The following KHDRBS3 variants were observed in gnomAD, a reference collection of about 807,000 sequenced individuals.
KHDRBS3 encodes KH RNA binding domain containing, signal transduction associated 3.
KHDRBS3 carries 23 observed loss-of-function variants against 45.6 expected under a neutral mutation model. The observed-to-expected ratio is 0.50, with a 90% CI of 0.36 to 0.72. The LOEUF is 0.72. Among genes scored for constraint, KHDRBS3 ranks in the 30% least tolerant of loss-of-function variants. The pLI is 0.00. For synonymous variants in KHDRBS3, 162 were observed against 156.5 expected (o/e 1.04, Z -0.26); for missense variants, 352 against 424.8 (o/e 0.83, Z 1.51).
exon 5 of KHDRBS3, chr8:135,656,312 A>C (rs2131227178): frequency 6.6e-6 from 1 of 152,336 alleles, no homozygotes; most frequent in South Asian, 2.1e-4. Flanking sequence ...GGGAACTTGA[A>C]AAACATCTTA....
intron 4 of KHDRBS3, among the ~76,000 whole-genome samples, chr8:135,554,947 A>C (rs1454456171): frequency 6.6e-6 from 1 of 152,204 alleles, no homozygotes; most frequent in East Asian, 1.9e-4. Flanking sequence ...TCCTCCCTGC[A>C]AACTATGATC....
intron 6 of KHDRBS3, among the ~76,000 whole-genome samples, chr8:135,603,663 AT>A (rs1586789526): frequency 6.6e-6 from 1 of 152,146 alleles, no homozygotes; most frequent in Admixed American, 6.5e-5. Flanking sequence ...TTCTAAAAAA[AT>A]TTTTTTAAAT....
intron 4 of KHDRBS3, among the ~76,000 whole-genome samples, chr8:135,550,725 T>C (rs371510713): frequency 2.0e-5 from 3 of 152,112 alleles, no homozygotes; most frequent in African/African-American, 7.2e-5. Context: ...TTTTCATATG[T>C]GTTTTAGGAT....
At chr8:135,572,089 G>A (rs1458912781) in intron 5 of KHDRBS3, among the ~76,000 whole-genome samples, 1 of 152,170 alleles carries the variant, frequency 6.6e-6, no homozygotes, top group Non-Finnish European at 1.5e-5. Context: ...ATGGATCATT[G>A]TTTCCAGAGA....
intron 1 of KHDRBS3, among the ~76,000 whole-genome samples, chr8:135,500,154 A>G (rs1204781134): frequency 3.3e-5 from 5 of 152,294 alleles, no homozygotes; most frequent in East Asian, 3.9e-4. Context: ...CCCCCAAAAC[A>G]TGGATTTCAA....
At chr8:135,458,231 A>T (rs1419139670) in intron 1 of KHDRBS3, 1 of 1,199,132 alleles carries the variant, frequency 8.3e-7, no homozygotes, top group African/African-American at 1.6e-5. Context: ...CCCAGGGGAA[A>T]CTTCTGGGTG....
chr8:135,615,883 T>C (rs1346435141), intron 7 of KHDRBS3, among the ~76,000 whole-genome samples: 1 of 152,202 alleles, frequency 6.6e-6, no homozygotes, highest in Non-Finnish European at 1.5e-5. Context: ...CTGCTCATAC[T>C]GAAAGTTTGA....
intron 5 of KHDRBS3, among the ~76,000 whole-genome samples, chr8:135,571,457 G>A (rs1233898472): frequency 6.6e-6 from 1 of 152,140 alleles, no homozygotes; most frequent in African/African-American, 2.4e-5. Context: ...TTGAAGTTCA[G>A]CAATGAGGAA....
chr8:135,630,515 G>A (rs1370078498), intron 7 of KHDRBS3, among the ~76,000 whole-genome samples: 1 of 34,462 alleles, frequency 2.9e-5, no homozygotes, highest in East Asian at 6.3e-3. Context: ...ATACAGATGT[G>A]TTGCTTAACA....
chr8:135,620,802 C>T (rs1277886138), intron 7 of KHDRBS3, among the ~76,000 whole-genome samples: 1 of 152,132 alleles, frequency 6.6e-6, no homozygotes, highest in Admixed American at 6.6e-5. Flanking sequence ...AGTACTAAGG[C>T]TTCTGTGTTT....
intron 7 of KHDRBS3, among the ~76,000 whole-genome samples, chr8:135,609,647 C>G (rs2131039211): frequency 1.3e-5 from 2 of 149,782 alleles, no homozygotes; most frequent in East Asian, 3.9e-4. Flanking sequence ...TTGCATAGAC[C>G]TACACAGGCT....
intron 1 of KHDRBS3, among the ~76,000 whole-genome samples, chr8:135,497,913 A>C (rs1163747998): frequency 6.6e-6 from 1 of 152,168 alleles, no homozygotes; most frequent in Non-Finnish European, 1.5e-5. Flanking sequence ...TATTCTGTTA[A>C]TAATTGGGCC....
intron 1 of KHDRBS3, among the ~76,000 whole-genome samples, chr8:135,508,076 G>A (rs1013555543): frequency 6.6e-5 from 10 of 151,986 alleles, no homozygotes; most frequent in African/African-American, 2.2e-4. Context: ...TTCTTTTCCC[G>A]CCCTGAATTT....
intron 1 of KHDRBS3, among the ~76,000 whole-genome samples, chr8:135,497,767 A>G (rs1242751644): frequency 1.3e-5 from 2 of 152,200 alleles, no homozygotes; most frequent in Non-Finnish European, 2.9e-5. Flanking sequence ...CATGGTATGT[A>G]AATAATATTT....
At chr8:135,625,903 A>C in intron 7 of KHDRBS3, 1 of 776,498 alleles carries the variant, frequency 1.3e-6, no homozygotes, top group Non-Finnish European at 2.4e-6. Context: ...AACTGCAGAG[A>C]CTAATTGATC....
At chr8:135,498,423 A>C (rs559862326) in intron 1 of KHDRBS3, among the ~76,000 whole-genome samples, 1 of 149,564 alleles carries the variant, frequency 6.7e-6, no homozygotes, top group Non-Finnish European at 1.5e-5. Flanking sequence ...CTTAGTTTAC[A>C]TGTCCTTTCT....
chr8:135,569,929 A>G (rs995129144), intron 5 of KHDRBS3, among the ~76,000 whole-genome samples: 1 of 150,046 alleles, frequency 6.7e-6, no homozygotes. Context: ...TTAAGAAGAA[A>G]GAAAAACAAA....
chr8:135,534,634 G>T (rs183851245), intron 2 of KHDRBS3, among the ~76,000 whole-genome samples: 8 of 152,254 alleles, frequency 5.3e-5, no homozygotes, highest in Admixed American at 2.0e-4. Flanking sequence ...TTTTTGATCA[G>T]TGACTGCTTT....
At chr8:135,507,229 T>C (rs1824048890) in intron 1 of KHDRBS3, among the ~76,000 whole-genome samples, 1 of 152,216 alleles carries the variant, frequency 6.6e-6, no homozygotes, top group African/African-American at 2.4e-5. Context: ...TCATGTGTAA[T>C]AAAGATCAAC....
Sources: gnomAD v4.1 joint callset for allele counts (sites outside exome capture counted in the v4.1 genomes callset) on GRCh38, gnomAD v4.1.1 for gene constraint, MANE v1.5 for transcripts, NCBI Gene and HGNC (gene_info 2026-07-23, HGNC 2026-07-21) for gene names.